The following MPRIP variants were observed in gnomAD, a reference collection of about 807,000 sequenced individuals.
MPRIP encodes myosin phosphatase Rho interacting protein, also known as myosin phosphatase Rho-interacting protein.
Under a neutral mutation model 234.9 loss-of-function variants are expected in MPRIP, and 59 were observed. The observed-to-expected ratio is 0.25, with a 90% confidence interval of 0.20 to 0.31. The LOEUF is 0.31. Ranked by LOEUF, MPRIP falls within the 10% of genes least tolerant of loss-of-function variation. MPRIP has a pLI of 1.00. For synonymous variants in MPRIP, 1,144 were observed against 1,263.9 expected, an observed-to-expected ratio of 0.91 and a Z score of 2.01; for missense variants, 2,436 against 3,071.0, an observed-to-expected ratio of 0.79 and a Z score of 4.89.
intron 3 of MPRIP, among the ~76,000 whole-genome samples, chr17:17,125,165 C>G (rs374891740): frequency 3.3e-5 from 5 of 152,236 alleles, no homozygotes; most frequent in African/African-American, 1.2e-4. Flanking sequence ...GAGACACCTG[C>G]GGGCCACTCC....
intron 3 of MPRIP, among the ~76,000 whole-genome samples, chr17:17,087,673 C>G (rs565505614): frequency 6.6e-6 from 1 of 152,370 alleles, no homozygotes; most frequent in African/African-American, 2.4e-5. Flanking sequence ...GGATCTCCCT[C>G]TACAGGACGG....
At chr17:17,174,401 A>C (rs756046894) in intron 19 of MPRIP, among the ~76,000 whole-genome samples, 1 of 151,588 alleles carries the variant, frequency 6.6e-6, no homozygotes, top group South Asian at 2.1e-4. Flanking sequence ...GCTCCTCTGA[A>C]CCTCTGGCTC....
chr17:17,144,008 T>C (rs2045400660), intron 9 of MPRIP, among the ~76,000 whole-genome samples: 1 of 152,230 alleles, frequency 6.6e-6, no homozygotes, highest in Admixed American at 6.5e-5. Context: ...TTGCTTTTTG[T>C]GGCACTTCGG....
At chr17:17,105,973 T>C (rs1272884601) in intron 3 of MPRIP, among the ~76,000 whole-genome samples, 2 of 152,214 alleles carry the variant, frequency 1.3e-5, no homozygotes, top group East Asian at 1.9e-4. Context: ...CAAAAAAACA[T>C]GTGCATCCCA....
In MPRIP at chr17:17,161,334, C is replaced by T. The variant is rs958160991; in HGVS notation, c.2495C>T (p.Ala832Val). Residue 832 changes from alanine (A) to valine (V), a missense_variant, in exon 15 of 24, where the codon GCC becomes GTC. Ala to Val is a moderately conservative substitution (Grantham distance 64, BLOSUM62 0). Around this residue, in one of 4 missense-constraint regions of MPRIP, gnomAD observed 1,998 missense variants for 2,520.3 expected, o/e 0.79. Coordinates refer to ENST00000651222, the MANE Select transcript of MPRIP (RefSeq NM_001364716.4). Reference protein sequence around the residue: ...LRVALGREQSAREGYVLQTEV... With the variant: ...LRVALGREQSVREGYVLQTEV... Reference sequence around the variant, plus strand: ...GTGGCCCTGGGCCGGGAGCAGAGCGCCCGTGAGGGCTACGTGCTGCAGGTA... The same window carrying T: ...GTGGCCCTGGGCCGGGAGCAGAGCGTCCGTGAGGGCTACGTGCTGCAGGTA... The T allele has an allele frequency of 3.2e-6, 5 of 1,585,496 alleles. No homozygotes were observed. In the Admixed American group the frequency reaches 7.1e-5, roughly 23 times the overall value.
intron 13 of MPRIP, among the ~76,000 whole-genome samples, chr17:17,156,655 C>T (rs570334962): frequency 3.9e-5 from 6 of 152,224 alleles, no homozygotes; most frequent in East Asian, 1.9e-4. Context: ...GGAGTGCGGC[C>T]GGTTCTGGTG....
intron 3 of MPRIP, among the ~76,000 whole-genome samples, chr17:17,081,153 T>G (rs2089453407): frequency 6.6e-6 from 1 of 152,248 alleles, no homozygotes; most frequent in African/African-American, 2.4e-5. Flanking sequence ...CCACACTCAA[T>G]CAGCATCTAT....
intron 23 of MPRIP, among the ~76,000 whole-genome samples, chr17:17,184,159 T>A (rs1307985202): frequency 6.6e-6 from 1 of 152,242 alleles, no homozygotes; most frequent in Non-Finnish European, 1.5e-5. Context: ...TAAGATCTCA[T>A]TCATCTCTGG....
At chr17:17,179,888 T>TAG in intron 22 of MPRIP, 115 bp from the exon 23 acceptor site, 1 of 805,764 alleles carries the variant, frequency 1.2e-6, no homozygotes, top group Non-Finnish European at 2.1e-6. Context: ...TTTAAGGAAT[T>TAG]GTCCTAAGTA....
chr17:17,051,715 G>T (rs2088546945), intron 1 of MPRIP, among the ~76,000 whole-genome samples: 1 of 152,238 alleles, frequency 6.6e-6, no homozygotes, highest in Non-Finnish European at 1.5e-5. Flanking sequence ...ACTTCCGTTG[G>T]GGGCAAGAGC....
chr17:17,168,714 A>G (rs1285769491), intron 16 of MPRIP: 3 of 378,990 alleles, frequency 7.9e-6, no homozygotes, highest in Admixed American at 3.1e-5. Flanking sequence ...AAAGTTTACC[A>G]TGATACCTGT....
Position 17,126,785 on chromosome 17 carries a change from C to T in MPRIP, c.351C>T (p.Phe117=), listed in dbSNP as rs772813646. Residue 117 remains phenylalanine, a synonymous_variant, in exon 4 of 24, where the codon TTC becomes TTT. Transcript: ENST00000651222. ...GGGAGGGCCGCACGGGCCAGAAGTTCTCCCTGTGTATTCTGACGCCTGAGA... is the reference window on the plus strand; with the variant it reads ...GGGAGGGCCGCACGGGCCAGAAGTTTTCCCTGTGTATTCTGACGCCTGAGA... The part of the protein sequence containing the change: ...VDGEGRTGQK[F]SLCILTPEKE... The T allele has an allele frequency of 1.1e-5, 17 of 1,614,206 alleles. No individual in the cohort carries two copies. The highest frequency in any genetic ancestry group is 3.3e-5 in the South Asian group (3 of 91,088).
chr17:17,131,609 C>G lies in MPRIP; in HGVS notation c.420-8C>G. Reference sequence around the variant, plus strand: ...TTACCTGGTACTTGTCTCCTTTTCTCTTCCCAGGTGGCTGGAGATGCTCAT... The same window carrying G: ...TTACCTGGTACTTGTCTCCTTTTCTGTTCCCAGGTGGCTGGAGATGCTCAT... On this transcript the variant is annotated splice_polypyrimidine_tract_variant and splice_region_variant and intron_variant, in intron 4 of 23. Coordinates refer to ENST00000651222, the MANE Select transcript of MPRIP (RefSeq NM_001364716.4). 6.2e-7 allele frequency: 1 copy of G among 1,613,868 alleles called. No homozygotes were observed. The highest frequency in any genetic ancestry group is 2.2e-5 in the East Asian group (1 of 44,880).
chr17:17,153,057 C>T (rs946514441), intron 12 of MPRIP, among the ~76,000 whole-genome samples: 25 of 152,164 alleles, frequency 1.6e-4, no homozygotes, highest in African/African-American at 5.8e-4. Flanking sequence ...ACTCCAGCAA[C>T]GCCCACACCT....
chr17:17,102,933 G>A (rs1190451105), intron 3 of MPRIP, among the ~76,000 whole-genome samples: 3 of 152,206 alleles, frequency 2.0e-5, no homozygotes, highest in Non-Finnish European at 2.9e-5. Context: ...TGTTTGTCCC[G>A]TTTGTAACCA....
chr17:17,076,623 G>C (rs2089335267), intron 2 of MPRIP, among the ~76,000 whole-genome samples: 1 of 152,124 alleles, frequency 6.6e-6, no homozygotes, highest in Non-Finnish European at 1.5e-5. Context: ...TGGGAAACAT[G>C]TTCAGGTGGC....
At position 17,164,897 on chromosome 17, in the gene MPRIP, C is replaced by G; in HGVS notation, c.3306C>G (p.Ser1102Arg). The G allele has an allele frequency of 7.7e-7, 1 of 1,303,812 alleles. No individual in the cohort carries two copies. Among genetic ancestry groups the G allele is most frequent in the South Asian group, 1.2e-5 (1 of 81,022 alleles). The allele number at this position is 1,303,812 out of a possible 1,614,324, so 80.8% of individuals were successfully genotyped here. The change falls in exon 16 of 24, where the codon AGC (serine) becomes AGG (arginine). Residue 1102 changes from serine to arginine, a missense_variant. By Grantham distance (110) the Ser-to-Arg change is moderately radical. Around this residue, in one of 4 missense-constraint regions of MPRIP, gnomAD observed 1,998 missense variants for 2,520.3 expected, o/e 0.79. Transcript: ENST00000651222. ...GCAGGCTCGCAGAGCACGTGCAGAG[C>G]CTCTGTGACGAGCGGGACCTCCTCA... The part of the protein sequence containing the change: ...SVRRLAEHVQ[S>R]LCDERDLLRQ...
Position 17,158,861 on chromosome 17 carries a change from G to A in MPRIP, c.2259G>A (p.Glu753=). ...TCAAAACGCATAACGTCCACGTGGA[G>A]ATTGAGCAGCGGTGGCATCAGGTGG... ...SDLKTHNVHV[E]IEQRWHQVET... The change falls in exon 14 of 24, where the codon GAG becomes GAA. Residue 753 remains glutamate (E), a synonymous_variant. Transcript: ENST00000651222. 3 of 1,611,948 alleles carry A rather than the reference G, an allele frequency of 1.9e-6. No homozygotes were observed. Among genetic ancestry groups the A allele is most frequent in the Non-Finnish European group, 2.5e-6 (3 of 1,180,022 alleles).
chr17:17,167,112 G>C lies in MPRIP; in HGVS notation c.5521G>C (p.Asp1841His). The change falls in exon 16 of 24, where the codon GAT becomes CAT. Residue 1841 changes from aspartate (D) to histidine (H), a missense_variant. Physicochemically the swap from Asp to His is moderately conservative, Grantham distance 81. Around this residue, in one of 4 missense-constraint regions of MPRIP, gnomAD observed 1,998 missense variants for 2,520.3 expected, o/e 0.79. Coordinates refer to ENST00000651222, the MANE Select transcript of MPRIP (RefSeq NM_001364716.4). This position sits in a 1 kb window ranked among gnomAD's most constrained non-coding sequence, Gnocchi z 5.9. Reference protein sequence around the residue: ...LGQYSSLLVQDAIIQAQVCYA... With the variant: ...LGQYSSLLVQHAIIQAQVCYA... ...TCAGTATTCTTCATTGTTGGTTCAG[G>C]ATGCCATTATTCAGGCCCAGGTTTG... 1 of 1,304,254 alleles carries C rather than the reference G, an allele frequency of 7.7e-7. No homozygotes were observed. The highest frequency in any genetic ancestry group is 1.0e-6 in the Non-Finnish European group (1 of 988,972). 80.8% of individuals were successfully genotyped at this position (1,304,254 alleles called of 1,614,324 possible).
Sources: gnomAD v4.1 joint callset for allele counts (sites outside exome capture counted in the v4.1 genomes callset) on GRCh38, gnomAD v4.1.1 for gene constraint, gnomAD v4.1.1 regional missense constraint, Gnocchi (gnomAD v3.1) non-coding constraint, MANE v1.5 for transcripts, NCBI Gene and HGNC (gene_info 2026-07-23, HGNC 2026-07-21) for gene names.